The following ANKRD44 variants were observed in gnomAD, a reference collection of about 807,000 sequenced individuals.
ANKRD44 encodes ankyrin repeat domain 44, also known as serine/threonine-protein phosphatase 6 regulatory ankyrin repeat subunit B.
ANKRD44 carries 35 observed loss-of-function variants against 116.0 expected under a neutral mutation model. The observed-to-expected ratio is 0.30, with a 90% CI of 0.23 to 0.40. ANKRD44 has a LOEUF of 0.40. Ranked by LOEUF, ANKRD44 falls within the 10% of genes least tolerant of loss-of-function variation. ANKRD44 has a pLI of 1.00. For synonymous variants in ANKRD44, 435 were observed against 461.8 expected, an observed-to-expected ratio of 0.94 and a Z score of 0.74; for missense variants, 1,014 against 1,242.6, an observed-to-expected ratio of 0.82 and a Z score of 2.77.
intron 2 of ANKRD44, among the ~76,000 whole-genome samples, chr2:197,157,656 C>T (rs896551771): frequency 1.3e-4 from 16 of 125,270 alleles, no homozygotes; most frequent in African/African-American, 2.4e-4. Flanking sequence ...CCAGCCTGGC[C>T]GACAGAGTGA....
intron 8 of ANKRD44, among the ~76,000 whole-genome samples, chr2:197,118,637 G>GAAAGAA (rs1553512574): frequency 0.12 from 13,397 of 111,974 alleles, 911 homozygotes; most frequent in East Asian, 0.18. Context: ...GAGAGAGAGA[G>GAAAGAA]AGAAAGAAAG....
intron 21 of ANKRD44, among the ~76,000 whole-genome samples, chr2:196,974,824 A>G (rs2075745301): frequency 6.6e-6 from 1 of 151,620 alleles, no homozygotes. Context: ...CAGGAGGCAG[A>G]GGTTGCAGTG....
chr2:197,057,579 C>T (rs2077226701), intron 16 of ANKRD44, among the ~76,000 whole-genome samples: 1 of 152,128 alleles, frequency 6.6e-6, no homozygotes, highest in African/African-American at 2.4e-5. Flanking sequence ...TTTGCTTCTA[C>T]CTAAAATTTT....
chr2:197,099,939 G>C lies in ANKRD44; in HGVS notation c.986-9C>G. The C allele has an allele frequency of 6.2e-7, 1 of 1,612,798 alleles. No homozygotes were observed. ...ACAGTCAATTTCACCTCCTGAAAGA[G>C]ATATTTTAATACAGGATAACGCAAG... On this transcript the variant is annotated splice_polypyrimidine_tract_variant and intron_variant, in intron 9 of 27. Coordinates refer to ENST00000282272, the MANE Select transcript of ANKRD44 (RefSeq NM_001195144.2).
chr2:197,126,177 A>G, intron 4 of ANKRD44, 140 bp from the exon 5 acceptor site: 1 of 721,962 alleles, frequency 1.4e-6, no homozygotes, highest in Non-Finnish European at 2.3e-6. Context: ...CAAGCCAGGT[A>G]ATATTTGGTA....
At chr2:197,199,387 T>C (rs991710973) in intron 1 of ANKRD44, 2 of 152,200 alleles carry the variant, frequency 1.3e-5, no homozygotes, top group Non-Finnish European at 2.9e-5. Context: ...AAACACCTAA[T>C]GCATCAAAAC....
chr2:197,033,286 GTGA>G (rs1352351743), intron 16 of ANKRD44, among the ~76,000 whole-genome samples: 2 of 152,092 alleles, frequency 1.3e-5, no homozygotes, highest in Admixed American at 6.6e-5. Flanking sequence ...GAGTGAAATG[GTGA>G]TGATGATGAT....
chr2:197,164,646 G>A (rs2080061373), intron 2 of ANKRD44, among the ~76,000 whole-genome samples: 1 of 152,110 alleles, frequency 6.6e-6, no homozygotes. Flanking sequence ...CGGACCTCAG[G>A]TCGCTGGCCC....
intron 1 of ANKRD44, among the ~76,000 whole-genome samples, chr2:197,277,837 A>G (rs565310969): frequency 1.3e-5 from 2 of 152,054 alleles, no homozygotes; most frequent in African/African-American, 4.8e-5. Context: ...ATTAGAAGGG[A>G]CTCTGAGCAT....
chr2:197,066,239 G>A lies in ANKRD44; in HGVS notation c.1650+12464C>T, dbSNP rs1271530209. On this transcript the variant is annotated intron_variant, in intron 16 of 27. Transcript: ENST00000282272. ...AAATGGCCTTTGACAAAATTCAACA[G>A]ACCTTCATGCTAAAAACTCTCAATA... Among the ~76,000 whole-genome samples the A allele has an allele frequency of 6.6e-5, 10 of 152,172 alleles. No individual in the cohort carries two copies. In the South Asian group the frequency reaches 1.7e-3, roughly 25 times the overall value.
intron 1 of ANKRD44, among the ~76,000 whole-genome samples, chr2:197,215,013 G>A (rs2081413720): frequency 6.6e-6 from 1 of 152,124 alleles, no homozygotes. Context: ...GAGTAGCTGG[G>A]ATTATACGCA....
chr2:197,294,515 A>C (rs546191548), intron 1 of ANKRD44, among the ~76,000 whole-genome samples: 3 of 152,232 alleles, frequency 2.0e-5, no homozygotes, highest in Middle Eastern at 3.4e-3. Context: ...GATGCTCTTT[A>C]TAATTCTAAT....
chr2:197,216,617 G>A (rs950181803), intron 1 of ANKRD44, among the ~76,000 whole-genome samples: 9 of 152,174 alleles, frequency 5.9e-5, no homozygotes, highest in African/African-American at 2.2e-4. Flanking sequence ...GAGCAAGGGT[G>A]GCCCGTTTCT....
intron 8 of ANKRD44, among the ~76,000 whole-genome samples, chr2:197,113,819 A>C (rs1443546412): frequency 1.3e-5 from 2 of 152,332 alleles, no homozygotes; most frequent in East Asian, 3.9e-4. Flanking sequence ...CTTTGCATCC[A>C]TCTTTGCAGA....
At chr2:197,214,880 T>C (rs1223153537) in intron 1 of ANKRD44, among the ~76,000 whole-genome samples, 1 of 152,012 alleles carries the variant, frequency 6.6e-6, no homozygotes, top group East Asian at 1.9e-4. Flanking sequence ...TTTTTTGTTT[T>C]TGTTTTGTTT....
intron 16 of ANKRD44, among the ~76,000 whole-genome samples, chr2:197,066,659 G>A (rs528561006): frequency 1.3e-5 from 2 of 152,206 alleles, no homozygotes; most frequent in Admixed American, 6.5e-5. Context: ...GACAAACAGA[G>A]AGCCAAATCA....
chr2:197,078,608 C>T (rs780645386), intron 16 of ANKRD44, 95 bp downstream of exon 16: 7 of 1,543,372 alleles, frequency 4.5e-6, no homozygotes, highest in Middle Eastern at 1.7e-4. Context: ...TTACACAAGC[C>T]AGAGCTACAA....
At chr2:197,307,486 T>A (rs908290687) in intron 1 of ANKRD44, among the ~76,000 whole-genome samples, 5 of 148,176 alleles carry the variant, frequency 3.4e-5, no homozygotes, top group African/African-American at 1.2e-4. Flanking sequence ...AAGTTACAAA[T>A]GCAGAAGTGC....
chr2:197,264,483 T>C (rs2082690701), intron 1 of ANKRD44, among the ~76,000 whole-genome samples: 1 of 152,266 alleles, frequency 6.6e-6, no homozygotes, highest in South Asian at 2.1e-4. Context: ...CAGCAGGCAC[T>C]GTCAGAGTTT....
Sources: allele counts gnomAD v4.1 joint callset (sites outside exome capture counted in the v4.1 genomes callset), GRCh38; gene constraint gnomAD v4.1.1; transcripts MANE v1.5; gene names NCBI Gene and HGNC (gene_info 2026-07-23, HGNC 2026-07-21).